The following DLG2 variants were observed in gnomAD, a reference collection of about 807,000 sequenced individuals.
DLG2 encodes disks large homolog 2.
Under a neutral mutation model 132.5 loss-of-function variants are expected in DLG2, and 45 were observed. The ratio of observed to expected loss-of-function variants is 0.34; its 90% CI spans 0.27 to 0.44. DLG2 has a LOEUF of 0.44. DLG2 is among the 20% of genes least tolerant of loss of function. The pLI, the probability that DLG2 is intolerant of heterozygous loss-of-function variation, is 1.00. For synonymous variants in DLG2, 424 were observed against 419.6 expected, an observed-to-expected ratio of 1.01 and a Z score of -0.13; for missense variants, 1,045 against 1,196.9, an observed-to-expected ratio of 0.87 and a Z score of 1.87.
At chr11:84,192,802 T>TAA (rs1826072834) in intron 8 of DLG2, among the ~76,000 whole-genome samples, 3 of 152,136 alleles carry the variant, frequency 2.0e-5, no homozygotes, top group African/African-American at 7.2e-5. Context: ...TCTTATGAAT[T>TAA]AAACTATATT....
intron 8 of DLG2, among the ~76,000 whole-genome samples, chr11:84,242,458 T>C (rs977835288): frequency 1.3e-5 from 2 of 151,218 alleles, no homozygotes; most frequent in Non-Finnish European, 2.9e-5. Flanking sequence ...CAGGCTGGAG[T>C]GCAATGGCAT....
chr11:83,931,690 A>ACTC (rs1461844626), intron 14 of DLG2, among the ~76,000 whole-genome samples: 1 of 152,158 alleles, frequency 6.6e-6, no homozygotes, highest in Non-Finnish European at 1.5e-5. Flanking sequence ...CCAGGGTTGA[A>ACTC]CTCTTGAAAC....
intron 6 of DLG2, among the ~76,000 whole-genome samples, chr11:84,738,598 G>A (rs934086557): frequency 6.6e-6 from 1 of 152,156 alleles, no homozygotes. Context: ...ACACCAATTG[G>A]AATGGCTAAA....
chr11:84,791,983 A>C (rs1035349211), intron 6 of DLG2, among the ~76,000 whole-genome samples: 1 of 152,112 alleles, frequency 6.6e-6, no homozygotes, highest in Admixed American at 6.5e-5. Flanking sequence ...AATAACAGTG[A>C]TGAAAGTGAG....
chr11:84,255,088 T>C (rs2097444972), intron 7 of DLG2, among the ~76,000 whole-genome samples: 1 of 152,124 alleles, frequency 6.6e-6, no homozygotes, highest in African/African-American at 2.4e-5. Context: ...ACACAGAGCA[T>C]AGATGAATTC....
At chr11:84,580,032 T>C (rs773421892) in intron 6 of DLG2, among the ~76,000 whole-genome samples, 12 of 152,198 alleles carry the variant, frequency 7.9e-5, no homozygotes, top group Admixed American at 1.3e-4. Context: ...GTTTTGTGCA[T>C]GTGAAGTTTG....
At chr11:85,411,570 G>A (rs932212722) in intron 3 of DLG2, among the ~76,000 whole-genome samples, 2 of 151,790 alleles carry the variant, frequency 1.3e-5, no homozygotes, top group Non-Finnish European at 2.9e-5. Context: ...TAAAATATAG[G>A]TGTTGCAAAT....
intron 18 of DLG2, among the ~76,000 whole-genome samples, chr11:83,702,832 G>A (rs1478735360): frequency 6.6e-6 from 1 of 152,204 alleles, no homozygotes; most frequent in East Asian, 1.9e-4. Context: ...AGAAAGAGAT[G>A]CTAATAATGA....
In DLG2 at chr11:84,512,827, G is replaced by A. The variant is rs182334398; in HGVS notation, c.519+21743C>T. On this transcript the variant is annotated intron_variant, in intron 7 of 27. Coordinates refer to ENST00000376104, the MANE Select transcript of DLG2 (RefSeq NM_001142699.3). ...CAGCCATAAAAAAGAATGAGATCAC[G>A]TCCTTTGCAGGGACATGGATAAAGC... is the stretch of plus-strand genomic sequence containing the variant. Among the ~76,000 whole-genome samples, 8 of 152,160 alleles carry A rather than the reference G, an allele frequency of 5.3e-5. No individual in the cohort carries two copies. The East Asian group carries it at 1.2e-3, about 22-fold the overall frequency.
At chr11:85,613,283 T>C (rs1205589407) in intron 2 of DLG2, among the ~76,000 whole-genome samples, 1 of 152,142 alleles carries the variant, frequency 6.6e-6, no homozygotes, top group Non-Finnish European at 1.5e-5. Context: ...TGAGCTCAAC[T>C]AACAACTTCT....
intron 3 of DLG2, among the ~76,000 whole-genome samples, chr11:85,402,754 C>CTCATTAGAGAA (rs2088278515): frequency 6.6e-6 from 1 of 152,182 alleles, no homozygotes; most frequent in African/African-American, 2.4e-5. Context: ...CTCATCACCA[C>CTCATTAGAGAA]TGGTCATTAG....
At chr11:85,166,227 C>A (rs1378103975) in intron 4 of DLG2, among the ~76,000 whole-genome samples, 1 of 152,110 alleles carries the variant, frequency 6.6e-6, no homozygotes, top group Non-Finnish European at 1.5e-5. Flanking sequence ...TTCCTTTTAA[C>A]TCCTGAATCA....
chr11:84,714,630 TC>T, intron 6 of DLG2, among the ~76,000 whole-genome samples: 1 of 141,702 alleles, frequency 7.1e-6, no homozygotes, highest in African/African-American at 2.8e-5. Context: ...TCTTTCTCTC[TC>T]TCTCTCTCTC....
chr11:85,470,520 C>T (rs569676586), intron 3 of DLG2, among the ~76,000 whole-genome samples: 7 of 152,156 alleles, frequency 4.6e-5, no homozygotes, highest in South Asian at 2.1e-4. Context: ...ATCAGGAGTT[C>T]GAGACCAGCC....
chr11:84,185,003 G>A (rs12802160), intron 8 of DLG2, among the ~76,000 whole-genome samples: 9,809 of 152,100 alleles, frequency 0.064, 393 homozygotes, highest in African/African-American at 0.1. Context: ...ATCAGGTAGC[G>A]TGATGCCTCT....
At chr11:83,724,927 C>T in intron 18 of DLG2, 1 of 702,446 alleles carries the variant, frequency 1.4e-6, no homozygotes, top group African/African-American at 1.7e-5. Context: ...AGCTCTGTTC[C>T]CTCCTCCTGG....
chr11:84,239,384 T>G (rs574247209), intron 8 of DLG2, among the ~76,000 whole-genome samples: 98 of 152,220 alleles, frequency 6.4e-4, no homozygotes, highest in African/African-American at 2.2e-3. Context: ...TTTCACCATT[T>G]TGGCCAGGCT....
chr11:84,491,374 C>T (rs376060467), intron 7 of DLG2, among the ~76,000 whole-genome samples: 57 of 152,212 alleles, frequency 3.7e-4, no homozygotes, highest in Middle Eastern at 3.4e-3. Flanking sequence ...ATGTGACTTG[C>T]TCCTCCTTGC....
intron 7 of DLG2, among the ~76,000 whole-genome samples, chr11:84,340,046 G>C (rs1567337671): frequency 6.6e-6 from 1 of 152,168 alleles, no homozygotes; most frequent in Non-Finnish European, 1.5e-5. Flanking sequence ...AAGTCACCCA[G>C]TAAGTAAACA....
Sources: gnomAD v4.1 joint callset for allele counts (sites outside exome capture counted in the v4.1 genomes callset) on GRCh38, gnomAD v4.1.1 for gene constraint, MANE v1.5 for transcripts, NCBI Gene and HGNC (gene_info 2026-07-23, HGNC 2026-07-21) for gene names.